Variants in GRM1 observed in about 807,000 individuals in gnomAD.
The protein encoded by GRM1 is glutamate metabotropic receptor 1.
A neutral mutation model predicts 90.9 loss-of-function variants in GRM1; 33 were observed. The ratio of observed to expected loss-of-function variants is 0.36; its 90% confidence interval spans 0.28 to 0.49. The LOEUF is 0.49. Ranked by LOEUF, GRM1 falls within the 20% of genes least tolerant of loss-of-function variation. The probability of loss-of-function intolerance (pLI) is 0.99; values close to 1 mark genes in which losing one functional copy is unlikely to be tolerated. For missense variants in GRM1, 1,190 were observed against 1,534.3 expected (o/e 0.78, Z 3.75); for synonymous variants, 700 against 613.2 (o/e 1.14, Z -2.09).
Position 146,318,332 on chromosome 6 carries a change from G to A in GRM1, c.1186+13486G>A, listed in dbSNP as rs191965261. Among the ~76,000 whole-genome samples, 13 of 152,126 alleles carry A rather than the reference G, an allele frequency of 8.5e-5. No homozygotes were observed. In the East Asian group the frequency reaches 2.5e-3, roughly 29 times the overall value. ...ATGTCCCTGCAAAGGACATGAACTC[G>A]TCATCCTTTTTTATGGCTGCATAGT... is the stretch of plus-strand genomic sequence containing the variant. On this transcript the variant is annotated intron_variant, in intron 3 of 7. Transcript: ENST00000282753.
Position 146,434,311 on chromosome 6 carries a change from C to A in GRM1, c.3100C>A (p.Leu1034Ile). 6.2e-7 allele frequency: 1 copy of A among 1,609,508 alleles called. No individual in the cohort carries two copies. Among genetic ancestry groups the A allele is most frequent in the Non-Finnish European group, 8.5e-7 (1 of 1,176,794 alleles). The change falls in exon 8 of 8, where the codon CTC becomes ATC. Residue 1034 changes from leucine to isoleucine, a missense_variant. Physicochemically the swap from Leu to Ile is conservative, Grantham distance 5. Transcript: ENST00000282753. The stretch of plus-strand genomic sequence containing the variant: ...ACAGCAGAAATCGCTGATGGACCAG[C>A]TCCAGGGAGTGGTCAGCAACTTCAG... ...PPQQKSLMDQ[L>I]QGVVSNFSTA...
rs138343413 is a variant in GRM1 at position 146,099,314 on chromosome 6, G to A, written c.701-60034G>A. ...AGCCTGGAGAATCACCTGAACCTGG[G>A]AGACAGAGGTTGCAGTGAGCCAAGA... On this transcript the variant is annotated intron_variant, in intron 1 of 7. Transcript: ENST00000282753. Among the ~76,000 whole-genome samples the A allele has an allele frequency of 6.6e-3, 1,006 of 152,330 alleles. 13 individuals are homozygous for A. Among genetic ancestry groups the A allele is most frequent in the African/African-American group, 0.022 (928 of 41,588 alleles).
intron 3 of GRM1, among the ~76,000 whole-genome samples, chr6:146,334,029 T>G (rs1258788843): frequency 6.6e-6 from 1 of 152,182 alleles, no homozygotes; most frequent in African/African-American, 2.4e-5. Flanking sequence ...AAGTTGCTAG[T>G]GTCTGCATGA....
At chr6:146,182,120 G>A (rs1273004172) in intron 2 of GRM1, among the ~76,000 whole-genome samples, 1 of 152,002 alleles carries the variant, frequency 6.6e-6, no homozygotes, top group Non-Finnish European at 1.5e-5. Context: ...AAAATTATTG[G>A]CCTATTTTGT....
chr6:146,362,664 C>CAAAAAAA (rs11432508), intron 5 of GRM1, among the ~76,000 whole-genome samples: 9 of 86,196 alleles, frequency 1.0e-4, no homozygotes, highest in Non-Finnish European at 1.2e-4. Context: ...GACTCCATCT[C>CAAAAAAA]AAAAAAAAAA....
At chr6:146,129,479 G>C (rs1776312620) in intron 1 of GRM1, among the ~76,000 whole-genome samples, 1 of 152,152 alleles carries the variant, frequency 6.6e-6, no homozygotes, top group African/African-American at 2.4e-5. Flanking sequence ...CTTCTATAAA[G>C]AGTTGTGGGC....
intron 1 of GRM1, among the ~76,000 whole-genome samples, chr6:146,105,909 A>G (rs1190578381): frequency 6.6e-6 from 1 of 152,134 alleles, no homozygotes; most frequent in Admixed American, 6.5e-5. Context: ...GGAAAGCCTA[A>G]CTAAAGCTTG....
intron 2 of GRM1, among the ~76,000 whole-genome samples, chr6:146,243,424 C>T (rs1156639449): frequency 6.6e-6 from 1 of 151,874 alleles, no homozygotes; most frequent in Non-Finnish European, 1.5e-5. Flanking sequence ...TTGTGTCTGC[C>T]TTGAGTAATT....
chr6:146,138,046 G>A (rs949190609), intron 1 of GRM1, among the ~76,000 whole-genome samples: 1 of 151,986 alleles, frequency 6.6e-6, no homozygotes, highest in Non-Finnish European at 1.5e-5. Flanking sequence ...AGTTCTAATA[G>A]TTTTTTTGAT....
At chr6:146,198,873 T>G (rs1047437134) in intron 2 of GRM1, among the ~76,000 whole-genome samples, 1 of 152,168 alleles carries the variant, frequency 6.6e-6, no homozygotes, top group Non-Finnish European at 1.5e-5. Flanking sequence ...AAAATTGGCT[T>G]AAGTCTGTGA....
intron 2 of GRM1, among the ~76,000 whole-genome samples, chr6:146,163,378 G>A (rs561327316): frequency 6.5e-4 from 99 of 152,230 alleles, no homozygotes; most frequent in Non-Finnish European, 1.1e-3. Flanking sequence ...ATGTACCTGC[G>A]TCTGATAATA....
chr6:146,262,943 CA>C (rs1293539497), intron 2 of GRM1, among the ~76,000 whole-genome samples: 1 of 151,890 alleles, frequency 6.6e-6, no homozygotes, highest in Non-Finnish European at 1.5e-5. Context: ...ATCAAAGATT[CA>C]AACAGCCATC....
intron 1 of GRM1, among the ~76,000 whole-genome samples, chr6:146,030,547 G>C (rs1189724945): frequency 6.6e-6 from 1 of 152,214 alleles, no homozygotes; most frequent in African/African-American, 2.4e-5. Context: ...TTTGTCCAAG[G>C]TGTTATATTG....
At chr6:146,143,130 G>A (rs992741553) in intron 1 of GRM1, among the ~76,000 whole-genome samples, 1 of 152,086 alleles carries the variant, frequency 6.6e-6, no homozygotes, top group Non-Finnish European at 1.5e-5. Flanking sequence ...CCAGGACTGG[G>A]TCCTTCCCTT....
intron 7 of GRM1, among the ~76,000 whole-genome samples, chr6:146,407,262 A>C (rs1273268380): frequency 2.6e-5 from 4 of 152,210 alleles, no homozygotes; most frequent in Non-Finnish European, 4.4e-5. Flanking sequence ...ATGGAGATGC[A>C]CATTCCCTGT....
At chr6:146,276,592 A>G (rs1782369838) in intron 2 of GRM1, among the ~76,000 whole-genome samples, 1 of 152,166 alleles carries the variant, frequency 6.6e-6, no homozygotes, top group Admixed American at 6.5e-5. Context: ...AGACAAAGAA[A>G]AAAAATTAAC....
intron 1 of GRM1, among the ~76,000 whole-genome samples, chr6:146,088,288 AT>A (rs535330681): frequency 1.3e-5 from 2 of 151,850 alleles, no homozygotes; most frequent in Non-Finnish European, 2.9e-5. Flanking sequence ...GGATTGTTTG[AT>A]TTTTGTTTTC....
chr6:146,426,985 C>CTTTCT (rs528611267), intron 7 of GRM1, among the ~76,000 whole-genome samples: 95 of 152,156 alleles, frequency 6.2e-4, no homozygotes, highest in African/African-American at 2.1e-3. Context: ...AAACAGAGCT[C>CTTTCT]TTTCTTTTCT....
rs923706256 is a variant in GRM1 at position 146,244,219 on chromosome 6, G to T, written c.951-60392G>T. On this transcript the variant is annotated intron_variant, in intron 2 of 7. Coordinates refer to ENST00000282753, the MANE Select transcript of GRM1 (RefSeq NM_001278064.2). ...GACAGGATTAAGAGATTAAAGTAAAGACAGGCATAGGAAATCACAAGAGTA... is the reference window on the plus strand; with the variant it reads ...GACAGGATTAAGAGATTAAAGTAAATACAGGCATAGGAAATCACAAGAGTA... 8.7e-4 allele frequency among the ~76,000 whole-genome samples: 133 copies of T among 152,140 alleles called. 1 individual carries two copies. The highest frequency in any genetic ancestry group is 7.2e-4 in the Admixed American group (11 of 15,252).
Sources: gnomAD v4.1 joint callset for allele counts (sites outside exome capture counted in the v4.1 genomes callset) on GRCh38, gnomAD v4.1.1 for gene constraint, MANE v1.5 for transcripts, NCBI Gene and HGNC (gene_info 2026-07-23, HGNC 2026-07-21) for gene names.